The following AUTS2 variants were observed in gnomAD, a reference collection of about 807,000 sequenced individuals.
AUTS2 encodes the protein activator of transcription and developmental regulator AUTS2.
AUTS2 carries 17 observed loss-of-function variants against 112.4 expected under a neutral mutation model. That is an observed-to-expected ratio of 0.15 (90% CI 0.10 to 0.23). The LOEUF (loss-of-function observed/expected upper bound fraction) is 0.23, where lower values mean the gene tolerates loss of function less well. Ranked by LOEUF, AUTS2 falls within the 10% of genes least tolerant of loss-of-function variation. The probability of loss-of-function intolerance (pLI) is 1.00; values close to 1 mark genes in which losing one functional copy is unlikely to be tolerated. For missense variants in AUTS2, 1,510 were observed against 1,701.6 expected (o/e 0.89, Z 1.98); for synonymous variants, 751 against 702.7 (o/e 1.07, Z -1.09).
intron 1 of AUTS2, among the ~76,000 whole-genome samples, chr7:69,804,639 A>C (rs1327842678): frequency 6.6e-6 from 1 of 152,222 alleles, no homozygotes; most frequent in Non-Finnish European, 1.5e-5. Context: ...GTTGACAGCC[A>C]AAATGTAGGA....
intron 4 of AUTS2, among the ~76,000 whole-genome samples, chr7:70,401,585 G>T (rs897196048): frequency 6.6e-6 from 1 of 152,218 alleles, no homozygotes; most frequent in Non-Finnish European, 1.5e-5. Context: ...GAAGACAGAT[G>T]AGACCGTGGA....
chr7:70,508,764 A>G (rs556346237), intron 5 of AUTS2, among the ~76,000 whole-genome samples: 1 of 152,328 alleles, frequency 6.6e-6, no homozygotes, highest in Admixed American at 6.5e-5. Context: ...TCAGGTAGAA[A>G]TGTTTTAATC....
chr7:69,688,526 T>C (rs1412411020), intron 1 of AUTS2, among the ~76,000 whole-genome samples: 1 of 152,216 alleles, frequency 6.6e-6, no homozygotes, highest in African/African-American at 2.4e-5. Context: ...ATCGTACATA[T>C]TTATGGGGTA....
intron 1 of AUTS2, among the ~76,000 whole-genome samples, chr7:69,872,366 A>G (rs1793536731): frequency 1.3e-5 from 2 of 152,298 alleles, no homozygotes; most frequent in African/African-American, 4.8e-5. Context: ...ACTTGCTGAA[A>G]TGTTTTCTTC....
intron 3 of AUTS2, 124 bp from the exon 4 acceptor site, chr7:70,134,412 G>A (rs1256404403): frequency 5.2e-6 from 4 of 764,968 alleles, no homozygotes; most frequent in Non-Finnish European, 9.3e-6. Flanking sequence ...ACAAGGGGCA[G>A]CATACACTGG....
chr7:70,440,456 G>T (rs2130924173), intron 5 of AUTS2, among the ~76,000 whole-genome samples: 1 of 152,172 alleles, frequency 6.6e-6, no homozygotes, highest in East Asian at 1.9e-4. Flanking sequence ...TCAGTGCCTG[G>T]TCCATAGTAA....
At chr7:70,224,404 T>C (rs76937520) in intron 4 of AUTS2, among the ~76,000 whole-genome samples, 40 of 130,132 alleles carry the variant, frequency 3.1e-4, no homozygotes, top group Non-Finnish European at 3.7e-4. Context: ...CAATACAATA[T>C]AATACCATAC....
At chr7:69,792,969 T>C (rs1293876079) in intron 1 of AUTS2, among the ~76,000 whole-genome samples, 1 of 152,172 alleles carries the variant, frequency 6.6e-6, no homozygotes, top group African/African-American at 2.4e-5. Context: ...GGGTGTGTTA[T>C]GTTGAGATTT....
At chr7:70,571,083 G>A (rs1212888301) in intron 5 of AUTS2, among the ~76,000 whole-genome samples, 1 of 152,182 alleles carries the variant, frequency 6.6e-6, no homozygotes, top group Non-Finnish European at 1.5e-5. Context: ...GTAAATATTT[G>A]TAGGACGAGT....
intron 5 of AUTS2, among the ~76,000 whole-genome samples, chr7:70,481,488 C>A (rs1316468422): frequency 6.6e-6 from 1 of 152,144 alleles, no homozygotes; most frequent in Non-Finnish European, 1.5e-5. Flanking sequence ...GGAGTAGGTC[C>A]TGTCCTGTCA....
At chr7:69,967,176 C>T (rs1241322407) in intron 2 of AUTS2, among the ~76,000 whole-genome samples, 1 of 152,166 alleles carries the variant, frequency 6.6e-6, no homozygotes, top group African/African-American at 2.4e-5. Context: ...AAATCTGTGG[C>T]AGTGTCCTTT....
At chr7:70,209,790 A>G (rs554701935) in intron 4 of AUTS2, among the ~76,000 whole-genome samples, 1 of 152,306 alleles carries the variant, frequency 6.6e-6, no homozygotes, top group Admixed American at 6.5e-5. Flanking sequence ...TGAAACAAAA[A>G]ATTAACCTAG....
chr7:70,702,855 A>T (rs1339271064), intron 6 of AUTS2, among the ~76,000 whole-genome samples: 8 of 152,120 alleles, frequency 5.3e-5, no homozygotes, highest in Non-Finnish European at 1.2e-4. Context: ...AGTGGAACAC[A>T]CCCGGCCTCT....
chr7:69,920,963 A>G (rs1001241366), intron 2 of AUTS2, among the ~76,000 whole-genome samples: 1 of 152,140 alleles, frequency 6.6e-6, no homozygotes, highest in Non-Finnish European at 1.5e-5. Context: ...TACGTGCTTA[A>G]TTTTTCACTA....
intron 4 of AUTS2, among the ~76,000 whole-genome samples, chr7:70,197,496 G>C (rs1164677377): frequency 7.4e-6 from 1 of 135,882 alleles, no homozygotes; most frequent in Non-Finnish European, 1.6e-5. Flanking sequence ...CACCGTGCGC[G>C]AGCCGAAGCA....
intron 4 of AUTS2, among the ~76,000 whole-genome samples, chr7:70,316,321 C>T (rs1789993005): frequency 6.6e-6 from 1 of 152,094 alleles, no homozygotes. Flanking sequence ...CTTCTGCTCC[C>T]ACCCAGTGGG....
intron 2 of AUTS2, among the ~76,000 whole-genome samples, chr7:70,057,989 A>T (rs1802069697): frequency 1.3e-5 from 2 of 152,212 alleles, no homozygotes. Context: ...TGATATATCT[A>T]TCATGGTAAG....
chr7:70,407,982 C>T (rs1019543910), intron 4 of AUTS2, among the ~76,000 whole-genome samples: 1 of 149,428 alleles, frequency 6.7e-6, no homozygotes, highest in African/African-American at 2.5e-5. Context: ...TGAACCCGGG[C>T]GGCAGAGCTT....
Position 70,793,326 on chromosome 7 carries a change from T to TC in AUTS2, c.*2331dup, listed in dbSNP as rs1792081042. On this transcript the variant is annotated 3_prime_UTR_variant, in exon 19 of 19. Transcript: ENST00000342771. ...ATTGCATTTCAATCTGTGGACTCGG[T>TC]CAGTCATATGTTACTTAAGACCTTC... 1 of 152,178 alleles carries TC rather than the reference T, an allele frequency of 6.6e-6. No individual in the cohort carries two copies. The highest frequency in any genetic ancestry group is 2.4e-5 in the African/African-American group (1 of 41,438). The allele number at this position is 152,178 out of a possible 1,614,324, so 9.4% of individuals were successfully genotyped here. A position where few individuals can be genotyped will look rare whatever the true frequency, so the allele number is the denominator to read the frequency against.
Sources: allele counts gnomAD v4.1 joint callset (sites outside exome capture counted in the v4.1 genomes callset), GRCh38; gene constraint gnomAD v4.1.1; transcripts MANE v1.5; gene names NCBI Gene and HGNC (gene_info 2026-07-23, HGNC 2026-07-21).